INPP5A: variants seen among roughly 807,000 people sequenced by gnomAD.
INPP5A encodes the protein inositol polyphosphate-5-phosphatase A.
In INPP5A, 14 loss-of-function variants were observed where a neutral mutation model predicts 65.2. That is an observed-to-expected ratio of 0.21 (90% CI 0.14 to 0.34). INPP5A has a LOEUF of 0.34. Among genes scored for constraint, INPP5A ranks in the 10% least tolerant of loss-of-function variants. The probability of loss-of-function intolerance (pLI) is 1.00; values close to 1 mark genes in which losing one functional copy is unlikely to be tolerated. For synonymous variants in INPP5A, 207 were observed against 208.3 expected, an observed-to-expected ratio of 0.99 and a Z score of 0.05; for missense variants, 431 against 545.6, an observed-to-expected ratio of 0.79 and a Z score of 2.09.
At chr10:132,739,497 T>C (rs1275059378) in intron 9 of INPP5A, among the ~76,000 whole-genome samples, 1 of 152,254 alleles carries the variant, frequency 6.6e-6, no homozygotes, top group African/African-American at 2.4e-5. Context: ...AGGGCACAGC[T>C]GTTGCCCTGT....
chr10:132,634,771 A>C (rs2072320357), intron 2 of INPP5A, among the ~76,000 whole-genome samples: 1 of 152,212 alleles, frequency 6.6e-6, no homozygotes, highest in Admixed American at 6.5e-5. Context: ...TGGTCCAATG[A>C]ATGTTGCCGC....
At chr10:132,730,227 C>T (rs1238873321) in intron 9 of INPP5A, among the ~76,000 whole-genome samples, 1 of 152,254 alleles carries the variant, frequency 6.6e-6, no homozygotes, top group Non-Finnish European at 1.5e-5. Flanking sequence ...TTCCCTCAGC[C>T]CCTCTGCCCT....
At chr10:132,633,902 C>T (rs180947467) in intron 2 of INPP5A, among the ~76,000 whole-genome samples, 153 of 152,350 alleles carry the variant, frequency 1.0e-3, no homozygotes, top group African/African-American at 3.3e-3. Context: ...CCAGCACCCA[C>T]GCTCAGCTGT....
Position 132,676,378 on chromosome 10 carries a change from C to T in INPP5A, c.307-14014C>T, listed in dbSNP as rs895335185. On this transcript the variant is annotated intron_variant, in intron 4 of 15. Coordinates refer to ENST00000368594, the MANE Select transcript of INPP5A (RefSeq NM_005539.5). The surrounding 1 kb of genome is among the most constrained non-coding windows in gnomAD (Gnocchi z 4.0). Reference sequence around the variant, plus strand: ...CCGAGGCTGCTGTTGTCTGGCACACCGTGAGTTCTGGGCCAGGACCTTTCC... The same window carrying T: ...CCGAGGCTGCTGTTGTCTGGCACACTGTGAGTTCTGGGCCAGGACCTTTCC... Among the ~76,000 whole-genome samples the T allele has an allele frequency of 2.6e-5, 4 of 152,292 alleles. No homozygotes were observed. Among genetic ancestry groups the T allele is most frequent in the East Asian group, 1.9e-4 (1 of 5,180 alleles).
At chr10:132,758,361 G>A (rs1209175174) in intron 11 of INPP5A, among the ~76,000 whole-genome samples, 2 of 137,408 alleles carry the variant, frequency 1.5e-5, no homozygotes, top group Non-Finnish European at 3.2e-5. Flanking sequence ...GTCCCCGGCC[G>A]ACCCCACAGG....
At chr10:132,710,206 C>T (rs1476330569) in intron 7 of INPP5A, 131 bp from the exon 8 acceptor site, 9 of 973,520 alleles carry the variant, frequency 9.2e-6, no homozygotes, top group Non-Finnish European at 1.4e-5. Context: ...TGGACAGGTG[C>T]CCCGCCTCGG....
Position 132,729,427 on chromosome 10 carries a change from C to T in INPP5A, c.732+2522C>T, listed in dbSNP as rs534675757. ...TCCTCTCACACAGGCAGTCGCAGCACGGCAGCTCCTGCCCAGGTCTAGATG... is the reference window on the plus strand; with the variant it reads ...TCCTCTCACACAGGCAGTCGCAGCATGGCAGCTCCTGCCCAGGTCTAGATG... On this transcript the variant is annotated intron_variant, in intron 9 of 15. Coordinates refer to ENST00000368594, the MANE Select transcript of INPP5A (RefSeq NM_005539.5). Among the ~76,000 whole-genome samples the T allele has an allele frequency of 1.2e-4, 19 of 152,328 alleles. No homozygotes were observed. In the South Asian group the frequency reaches 1.9e-3, roughly 15 times the overall value.
intron 8 of INPP5A, among the ~76,000 whole-genome samples, chr10:132,713,198 A>G (rs1407531093): frequency 1.3e-5 from 2 of 150,920 alleles, no homozygotes; most frequent in East Asian, 2.0e-4. Context: ...GTGCACATGT[A>G]TGTGTGTAGG....
chr10:132,771,077 G>A (rs1846939577), intron 12 of INPP5A, among the ~76,000 whole-genome samples: 3 of 152,212 alleles, frequency 2.0e-5, no homozygotes, highest in Admixed American at 6.5e-5. Context: ...AGCCACCGAG[G>A]TCTAAGTTAC....
intron 9 of INPP5A, among the ~76,000 whole-genome samples, chr10:132,731,409 G>A (rs4331013): frequency 0.24 from 35,680 of 151,170 alleles, 5,002 homozygotes; most frequent in East Asian, 0.33. Flanking sequence ...AAGTGACTGC[G>A]TCCCTCCTGC....
intron 11 of INPP5A, among the ~76,000 whole-genome samples, chr10:132,750,427 G>C (rs939983665): frequency 4.6e-5 from 7 of 152,272 alleles, no homozygotes; most frequent in Non-Finnish European, 1.0e-4. Flanking sequence ...CGGAGAGGTG[G>C]CCCCTGCCAG....
In INPP5A at chr10:132,674,460, G is replaced by A. The variant is rs557702845; in HGVS notation, c.307-15932G>A. On this transcript the variant is annotated intron_variant, in intron 4 of 15. Coordinates refer to ENST00000368594, the MANE Select transcript of INPP5A (RefSeq NM_005539.5). This position sits in a 1 kb window ranked among gnomAD's most constrained non-coding sequence, Gnocchi z 4.4. ...CACTTTCGGGTGGTGCCTGCATACC[G>A]TGCAGAACCATCTGTGAACCAGGCC... is the stretch of plus-strand genomic sequence containing the variant. 2.4e-3 allele frequency among the ~76,000 whole-genome samples: 373 copies of A among 152,292 alleles called. No homozygotes were observed. The highest frequency in any genetic ancestry group is 4.8e-3 in the Non-Finnish European group (324 of 68,024).
intron 1 of INPP5A, among the ~76,000 whole-genome samples, chr10:132,558,674 G>A (rs1232266351): frequency 2.0e-5 from 3 of 152,242 alleles, no homozygotes; most frequent in Non-Finnish European, 2.9e-5. Flanking sequence ...CAGGTAGGGA[G>A]GCGGTAGCCT....
intron 2 of INPP5A, among the ~76,000 whole-genome samples, chr10:132,640,592 G>C (rs567721368): frequency 6.6e-6 from 1 of 152,238 alleles, no homozygotes; most frequent in African/African-American, 2.4e-5. Flanking sequence ...GGCGCTGCCT[G>C]TCTGCCTCTC....
intron 4 of INPP5A, among the ~76,000 whole-genome samples, chr10:132,652,661 C>T (rs770540268): frequency 3.9e-5 from 6 of 152,296 alleles, no homozygotes; most frequent in Non-Finnish European, 7.3e-5. Flanking sequence ...TGGGGACCAT[C>T]GCTCAGCTCT....
intron 9 of INPP5A, among the ~76,000 whole-genome samples, chr10:132,733,815 T>C (rs979663229): frequency 6.6e-6 from 1 of 152,244 alleles, no homozygotes; most frequent in Non-Finnish European, 1.5e-5. Flanking sequence ...GATTTCAGCC[T>C]CTGCGCGTGA....
Position 132,588,267 on chromosome 10 carries a change from T to A in INPP5A, c.76-19648T>A, listed in dbSNP as rs564011315. 5.9e-5 allele frequency among the ~76,000 whole-genome samples: 9 copies of A among 152,338 alleles called. No homozygotes were observed. The East Asian group carries it at 1.5e-3, about 26-fold the overall frequency. ...TCCCCGTTTTCTTTTATAGTTCTCT[T>A]GCTCTGTGAGGTTCAGCTAACAGGA... On this transcript the variant is annotated intron_variant, in intron 1 of 15. Coordinates refer to ENST00000368594, the MANE Select transcript of INPP5A (RefSeq NM_005539.5).
intron 9 of INPP5A, among the ~76,000 whole-genome samples, chr10:132,743,207 C>G (rs1846306540): frequency 6.9e-6 from 1 of 144,846 alleles, no homozygotes; most frequent in Non-Finnish European, 1.5e-5. Flanking sequence ...GCGCTGCACT[C>G]AGCCCCAGCA....
chr10:132,638,757 G>A (rs550865283), intron 2 of INPP5A, among the ~76,000 whole-genome samples: 56 of 152,024 alleles, frequency 3.7e-4, no homozygotes, highest in African/African-American at 1.2e-3. Flanking sequence ...TAGTAGAGAC[G>A]GGGTTTCACC....
Sources: allele counts gnomAD v4.1 joint callset (sites outside exome capture counted in the v4.1 genomes callset), GRCh38; gene constraint gnomAD v4.1.1; non-coding constraint Gnocchi (gnomAD v3.1); transcripts MANE v1.5; gene names NCBI Gene and HGNC (gene_info 2026-07-23, HGNC 2026-07-21).